Variants in CLIC4 observed in about 807,000 individuals in gnomAD.
CLIC4 encodes CLIC family member 4.
CLIC4 carries 13 observed loss-of-function variants against 24.6 expected under a neutral mutation model. That is an observed-to-expected ratio of 0.53 (90% CI 0.34 to 0.84). CLIC4 has a LOEUF of 0.84. CLIC4 is among the 40% of genes least tolerant of loss of function. CLIC4 has a pLI of 0.01. For missense variants in CLIC4, 227 were observed against 301.7 expected (o/e 0.75, Z 1.83); for synonymous variants, 104 against 111.3 (o/e 0.93, Z 0.41).
intron 1 of CLIC4, among the ~76,000 whole-genome samples, chr1:24,761,168 C>G (rs904581490): frequency 6.6e-6 from 1 of 152,076 alleles, no homozygotes; most frequent in East Asian, 1.9e-4. Flanking sequence ...GTGGAAAAGG[C>G]TGTGGGAAGG....
At chr1:24,794,357 T>G (rs1368475623) in intron 1 of CLIC4, among the ~76,000 whole-genome samples, 1 of 151,944 alleles carries the variant, frequency 6.6e-6, no homozygotes, top group African/African-American at 2.4e-5. Context: ...ATCTGTTTTT[T>G]TTTTTTTTTT....
chr1:24,774,797 G>T (rs1385135386), intron 1 of CLIC4, among the ~76,000 whole-genome samples: 1 of 152,118 alleles, frequency 6.6e-6, no homozygotes, highest in African/African-American at 2.4e-5. Context: ...AGGACCGAGG[G>T]CAGTGGCTCA....
intron 1 of CLIC4, among the ~76,000 whole-genome samples, chr1:24,752,657 A>C (rs1454966494): frequency 6.6e-6 from 1 of 152,168 alleles, no homozygotes; most frequent in Non-Finnish European, 1.5e-5. Context: ...ATACCATCCT[A>C]TGTAAAGCTT....
chr1:24,828,835 C>T (rs1639812787), intron 4 of CLIC4, among the ~76,000 whole-genome samples: 1 of 152,140 alleles, frequency 6.6e-6, no homozygotes, highest in Non-Finnish European at 1.5e-5. Flanking sequence ...CCAATAAGAA[C>T]AAACAACATA....
intron 3 of CLIC4, among the ~76,000 whole-genome samples, chr1:24,826,141 G>T (rs1448841422): frequency 1.3e-5 from 2 of 152,188 alleles, no homozygotes; most frequent in Non-Finnish European, 2.9e-5. Context: ...ACATTTTTGT[G>T]TGTGTTTTAG....
intron 3 of CLIC4, among the ~76,000 whole-genome samples, chr1:24,817,179 A>G (rs780799670): frequency 1.1e-4 from 17 of 152,210 alleles, no homozygotes; most frequent in Non-Finnish European, 2.1e-4. Context: ...TAGAAGATCA[A>G]TTCTAGATAG....
chr1:24,839,815 G>A, intron 4 of CLIC4, 45 bp from the exon 5 acceptor site: 1 of 1,547,630 alleles, frequency 6.5e-7, no homozygotes, highest in Non-Finnish European at 8.8e-7. Flanking sequence ...GACTTGAGTG[G>A]TTTTCCTTCT....
At chr1:24,773,172 TAAAAAG>T (rs1403941020) in intron 1 of CLIC4, among the ~76,000 whole-genome samples, 1 of 152,182 alleles carries the variant, frequency 6.6e-6, no homozygotes, top group African/African-American at 2.4e-5. Context: ...TGTAATCTCT[TAAAAAG>T]AAAAAACTTT....
At chr1:24,749,066 T>A (rs1157102372) in intron 1 of CLIC4, among the ~76,000 whole-genome samples, 1 of 151,606 alleles carries the variant, frequency 6.6e-6, no homozygotes, top group Non-Finnish European at 1.5e-5. Flanking sequence ...ATACAAAAAT[T>A]AGCCACGCAT....
intron 3 of CLIC4, among the ~76,000 whole-genome samples, chr1:24,820,078 T>TATATATATATA (rs1491325327): frequency 3.1e-5 from 1 of 32,696 alleles, no homozygotes; most frequent in Non-Finnish European, 5.4e-5. Flanking sequence ...TATATATATA[T>TATATATATATA]GTATATATAT....
intron 1 of CLIC4, among the ~76,000 whole-genome samples, chr1:24,783,560 G>A (rs953992177): frequency 1.3e-5 from 2 of 152,158 alleles, no homozygotes; most frequent in East Asian, 1.9e-4. Flanking sequence ...GAAATTAGCC[G>A]GGTGTGGTGG....
intron 2 of CLIC4, among the ~76,000 whole-genome samples, chr1:24,799,256 C>T (rs866739010): frequency 6.6e-6 from 1 of 150,676 alleles, no homozygotes; most frequent in Non-Finnish European, 1.5e-5. Flanking sequence ...CGTCTCTGCC[C>T]GGCCGCCCAT....
At chr1:24,819,943 A>C (rs1639709161) in intron 3 of CLIC4, among the ~76,000 whole-genome samples, 1 of 142,504 alleles carries the variant, frequency 7.0e-6, no homozygotes, top group African/African-American at 2.6e-5. Context: ...GGGTTTTACC[A>C]TATTGGCCAA....
chr1:24,765,815 C>CAT (rs1553189600), intron 1 of CLIC4, among the ~76,000 whole-genome samples: 50 of 135,398 alleles, frequency 3.7e-4, no homozygotes, highest in African/African-American at 1.3e-3. Flanking sequence ...TTCTTTCTTT[C>CAT]TTTTTTTTTT....
At chr1:24,825,504 A>G (rs1639779039) in intron 3 of CLIC4, among the ~76,000 whole-genome samples, 1 of 152,192 alleles carries the variant, frequency 6.6e-6, no homozygotes, top group African/African-American at 2.4e-5. Context: ...AGATAGATAT[A>G]GATATCTAAA....
chr1:24,816,275 T>C (rs559362308), intron 3 of CLIC4, among the ~76,000 whole-genome samples: 1 of 149,494 alleles, frequency 6.7e-6, no homozygotes, highest in Admixed American at 6.7e-5. Context: ...TTTTCGTTCT[T>C]ATCGCCCAGG....
At chr1:24,808,503 C>T (rs1327069871) in intron 2 of CLIC4, among the ~76,000 whole-genome samples, 2 of 151,184 alleles carry the variant, frequency 1.3e-5, no homozygotes, top group East Asian at 2.0e-4. Flanking sequence ...ACTGCAACCG[C>T]CCCCGCCCCC....
At chr1:24,808,501 C>A (rs1203612949) in intron 2 of CLIC4, among the ~76,000 whole-genome samples, 1 of 151,350 alleles carries the variant, frequency 6.6e-6, no homozygotes, top group South Asian at 2.1e-4. Context: ...CAACTGCAAC[C>A]GCCCCCGCCC....
intron 1 of CLIC4, among the ~76,000 whole-genome samples, chr1:24,768,356 A>G (rs1639028030): frequency 6.6e-6 from 1 of 152,196 alleles, no homozygotes; most frequent in Non-Finnish European, 1.5e-5. Context: ...TATATTAACT[A>G]GCCTTTATCT....
Sources: allele counts gnomAD v4.1 joint callset (sites outside exome capture counted in the v4.1 genomes callset), GRCh38; gene constraint gnomAD v4.1.1; transcripts MANE v1.5; gene names NCBI Gene and HGNC (gene_info 2026-07-23, HGNC 2026-07-21).